RMP64: variants seen among roughly 807,000 people sequenced by gnomAD.
The protein encoded by RMP64 is nucleolus and neural progenitor protein.
chr3:113,010,915 A>G, the RMP64 span: 2 of 905,302 alleles, frequency 2.2e-6, no homozygotes, highest in East Asian at 5.1e-5. Flanking sequence ...CTCTCTAATC[A>G]ATATGAGTCA....
the RMP64 span, chr3:113,011,100 A>C: frequency 6.2e-7 from 1 of 1,612,454 alleles, no homozygotes; most frequent in Non-Finnish European, 8.5e-7. Context: ...TATTCTGTAC[A>C]TTGATCTTCA....
At chr3:113,013,893 A>T in the RMP64 span, 1 of 1,110,682 alleles carries the variant, frequency 9.0e-7, no homozygotes, top group East Asian at 2.3e-5. Flanking sequence ...CCAAAGGGAG[A>T]TCACAAGACA....
chr3:113,012,001 A>G, the RMP64 span, among the ~76,000 whole-genome samples: 20 of 152,312 alleles, frequency 1.3e-4, no homozygotes, highest in East Asian at 3.5e-3. Flanking sequence ...TTCTCCATCC[A>G]ATGTTTTCTT....
At chr3:113,007,438 T>C in the RMP64 span, among the ~76,000 whole-genome samples, 4 of 152,302 alleles carry the variant, frequency 2.6e-5, no homozygotes, top group South Asian at 8.3e-4. Context: ...TAAGAAATTA[T>C]GGGGCATGCA....
At chr3:113,017,504 G>A in the RMP64 span, 4 of 1,614,150 alleles carry the variant, frequency 2.5e-6, no homozygotes, top group Non-Finnish European at 3.4e-6. Context: ...TTGCTGTAAA[G>A]GACTGCACAT....
chr3:113,013,281 T>G, the RMP64 span: 3 of 1,613,492 alleles, frequency 1.9e-6, no homozygotes, highest in African/African-American at 4.0e-5. Context: ...CAGAAAAGTT[T>G]TGCAGCAGCA....
At chr3:113,012,154 T>C in the RMP64 span, among the ~76,000 whole-genome samples, 3 of 152,224 alleles carry the variant, frequency 2.0e-5, no homozygotes, top group African/African-American at 7.2e-5. Flanking sequence ...CTCTTTAGTT[T>C]CCAAGTATTA....
At chr3:113,017,553 C>T in the RMP64 span, 28 of 1,613,882 alleles carry the variant, frequency 1.7e-5, no homozygotes, top group East Asian at 2.2e-5. Flanking sequence ...GGCTCTTCAG[C>T]GACAGTATGA....
At chr3:113,009,197 T>C in the RMP64 span, among the ~76,000 whole-genome samples, 3 of 152,190 alleles carry the variant, frequency 2.0e-5, no homozygotes, top group African/African-American at 7.2e-5. Flanking sequence ...CTTCTTTCTA[T>C]ATCAAGTCAC....
At chr3:113,017,513 A>G in the RMP64 span, 7 of 1,614,090 alleles carry the variant, frequency 4.3e-6, no homozygotes, top group African/African-American at 4.0e-5. Flanking sequence ...AGGACTGCAC[A>G]TAACACATCT....
chr3:113,015,098 C>G, the RMP64 span: 1 of 152,202 alleles, frequency 6.6e-6, no homozygotes, highest in Admixed American at 6.5e-5. Flanking sequence ...ACTCTTGTTG[C>G]CAGTATCAAT....
At chr3:113,017,000 T>G in the RMP64 span, among the ~76,000 whole-genome samples, 1 of 152,246 alleles carries the variant, frequency 6.6e-6, no homozygotes, top group African/African-American at 2.4e-5. Flanking sequence ...ACCCATTTAC[T>G]CTAACATACC....
chr3:113,002,936 T>G, the RMP64 span: 2 of 152,388 alleles, frequency 1.3e-5, no homozygotes, highest in African/African-American at 2.4e-5. Flanking sequence ...GGTTCAGCCC[T>G]GCTTGAAACT....
At chr3:113,011,393 C>T in the RMP64 span, 2 of 1,574,908 alleles carry the variant, frequency 1.3e-6, no homozygotes, top group South Asian at 1.2e-5. Context: ...TTTAAGACAC[C>T]TTTATAGAGA....
the RMP64 span, among the ~76,000 whole-genome samples, chr3:113,012,079 G>A: frequency 2.6e-5 from 4 of 151,878 alleles, no homozygotes; most frequent in South Asian, 2.1e-4. Context: ...TTACAGATAC[G>A]GGCAAATTCT....
At chr3:113,016,440 AAG>A in the RMP64 span, among the ~76,000 whole-genome samples, 2 of 33,974 alleles carry the variant, frequency 5.9e-5, no homozygotes, top group African/African-American at 8.7e-5. Context: ...AGAGCTACGT[AAG>A]AGAGAGAGAC....
At chr3:113,004,543 T>C in the RMP64 span, 1 of 152,196 alleles carries the variant, frequency 6.6e-6, no homozygotes, top group Non-Finnish European at 1.5e-5. Flanking sequence ...TCTTTTTCTT[T>C]AAATCTCTAT....
the RMP64 span, among the ~76,000 whole-genome samples, chr3:113,010,027 G>A: frequency 6.7e-6 from 1 of 149,736 alleles, no homozygotes; most frequent in Admixed American, 6.7e-5. Flanking sequence ...GTACTTATAT[G>A]CTGTTAGGTC....
At chr3:113,003,919 G>A in the RMP64 span, 1 of 152,270 alleles carries the variant, frequency 6.6e-6, no homozygotes, top group East Asian at 1.9e-4. Flanking sequence ...GCTACTTAGG[G>A]GACTGGGTGC....
Sources: gnomAD v4.1 joint callset for allele counts (sites outside exome capture counted in the v4.1 genomes callset) on GRCh38, gnomAD v4.1.1 for gene constraint, MANE v1.5 for transcripts, NCBI Gene and HGNC (gene_info 2026-07-23, HGNC 2026-07-21) for gene names.